SLC35F4: variants seen among roughly 807,000 people sequenced by gnomAD.
SLC35F4 encodes the protein solute carrier family 35 member F4.
In SLC35F4, 24 loss-of-function variants were observed where a neutral mutation model predicts 44.2. That is an observed-to-expected ratio of 0.54 (90% CI 0.39 to 0.76). The LOEUF (loss-of-function observed/expected upper bound fraction) is 0.76, where lower values mean the gene tolerates loss of function less well. Ranked by LOEUF, SLC35F4 falls within the 30% of genes least tolerant of loss-of-function variation. The pLI is 0.00. For synonymous variants in SLC35F4, 238 were observed against 223.6 expected, an observed-to-expected ratio of 1.06 and a Z score of -0.57; for missense variants, 562 against 586.1, an observed-to-expected ratio of 0.96 and a Z score of 0.42.
intron 1 of SLC35F4, among the ~76,000 whole-genome samples, chr14:57,833,143 T>C (rs899495146): frequency 4.6e-5 from 7 of 152,188 alleles, no homozygotes; most frequent in Non-Finnish European, 1.0e-4. Flanking sequence ...TACTGTCACG[T>C]TGTTGTCATT....
At chr14:57,664,874 C>G (rs537131894) in intron 1 of SLC35F4, among the ~76,000 whole-genome samples, 2 of 152,284 alleles carry the variant, frequency 1.3e-5, no homozygotes, top group South Asian at 4.1e-4. Context: ...TACTAAGCCA[C>G]AGTGAAAGAT....
intron 1 of SLC35F4, among the ~76,000 whole-genome samples, chr14:57,900,350 C>G (rs1185026456): frequency 6.6e-6 from 1 of 152,172 alleles, no homozygotes; most frequent in Non-Finnish European, 1.5e-5. Context: ...CACCCCTGAA[C>G]CAATCACTGG....
chr14:57,743,658 T>C (rs1013513550), intron 1 of SLC35F4, among the ~76,000 whole-genome samples: 2 of 152,210 alleles, frequency 1.3e-5, no homozygotes, highest in African/African-American at 4.8e-5. Context: ...AAAGAGGAGC[T>C]GGTACCATTC....
intron 1 of SLC35F4, among the ~76,000 whole-genome samples, chr14:57,799,926 C>T (rs2078150420): frequency 6.6e-6 from 1 of 152,174 alleles, no homozygotes; most frequent in African/African-American, 2.4e-5. Flanking sequence ...CTCAGCTTTT[C>T]CAGCCTGCCA....
intron 1 of SLC35F4, among the ~76,000 whole-genome samples, chr14:57,883,330 G>T (rs1888579870): frequency 6.6e-6 from 1 of 152,184 alleles, no homozygotes. Flanking sequence ...AAACATTACT[G>T]TCACATGACT....
intron 1 of SLC35F4, among the ~76,000 whole-genome samples, chr14:57,642,541 C>T (rs1957706): frequency 6.6e-6 from 1 of 151,508 alleles, no homozygotes; most frequent in African/African-American, 2.4e-5. Flanking sequence ...TTTATATTCA[C>T]ATGAAACAAA....
At chr14:57,701,553 G>A (rs1435500759) in intron 1 of SLC35F4, among the ~76,000 whole-genome samples, 2 of 152,030 alleles carry the variant, frequency 1.3e-5, no homozygotes, top group Non-Finnish European at 2.9e-5. Flanking sequence ...ATTTACACCA[G>A]CATCACCACA....
At chr14:57,800,387 C>T (rs943969967) in intron 1 of SLC35F4, among the ~76,000 whole-genome samples, 1 of 152,176 alleles carries the variant, frequency 6.6e-6, no homozygotes, top group African/African-American at 2.4e-5. Flanking sequence ...CTGAAGGCAG[C>T]TAAGCCCACA....
chr14:57,604,032 A>G (rs1451901946), intron 1 of SLC35F4: 3 of 152,232 alleles, frequency 2.0e-5, no homozygotes, highest in Admixed American at 6.5e-5. Context: ...TAAAAGCCCA[A>G]TGGTAGGCAC....
chr14:57,896,872 T>TG (rs1888883377), intron 1 of SLC35F4, among the ~76,000 whole-genome samples: 1 of 151,212 alleles, frequency 6.6e-6, no homozygotes, highest in Admixed American at 6.6e-5. Context: ...AATCCCAGCA[T>TG]GGGATTTGGG....
chr14:57,836,946 A>G (rs1884992537), intron 1 of SLC35F4, among the ~76,000 whole-genome samples: 2 of 152,240 alleles, frequency 1.3e-5, no homozygotes, highest in South Asian at 2.1e-4. Flanking sequence ...CATCACTGTC[A>G]TATATTAAAA....
At chr14:57,831,932 G>T (rs569365733) in intron 1 of SLC35F4, among the ~76,000 whole-genome samples, 1 of 152,164 alleles carries the variant, frequency 6.6e-6, no homozygotes, top group South Asian at 2.1e-4. Flanking sequence ...GTATATCCGT[G>T]TCTTCACAAG....
At chr14:57,937,591 A>AAAAG (rs1889827946) in intron 1 of SLC35F4, among the ~76,000 whole-genome samples, 2 of 16,896 alleles carry the variant, frequency 1.2e-4, no homozygotes, top group South Asian at 3.5e-3. Flanking sequence ...GAAAAGAAAG[A>AAAAG]AAAGAAAAGA....
rs1015663037 is a variant in SLC35F4, at chr14:57,849,292, G to A, written c.103+16431C>T. 2.0e-5 allele frequency among the ~76,000 whole-genome samples: 3 copies of A among 152,274 alleles called. 1 individual carries two copies. The highest frequency in any genetic ancestry group is 6.8e-3 in the Middle Eastern group (2 of 294). On this transcript the variant is annotated intron_variant, in intron 1 of 7. Coordinates refer to ENST00000556826, the MANE Select transcript of SLC35F4 (RefSeq NM_001306087.2). ...TCCTGCTGCCTCAGCCCCCATAGTA[G>A]CTGGGATTATAGGCATGCGCCACCA...
At chr14:57,719,228 G>T (rs147628154) in intron 1 of SLC35F4, among the ~76,000 whole-genome samples, 1,900 of 152,222 alleles carry the variant, frequency 0.012, 16 homozygotes, top group Non-Finnish European at 0.02. Context: ...ATGCTGTTTT[G>T]GTTACTATAT....
At chr14:57,634,275 G>A (rs2072922324) in intron 1 of SLC35F4, among the ~76,000 whole-genome samples, 1 of 152,122 alleles carries the variant, frequency 6.6e-6, no homozygotes, top group African/African-American at 2.4e-5. Flanking sequence ...GAAGGCAAGG[G>A]AATGGTGCTA....
At chr14:57,942,949 A>C (rs1889940669) in intron 1 of SLC35F4, among the ~76,000 whole-genome samples, 1 of 152,204 alleles carries the variant, frequency 6.6e-6, no homozygotes, top group South Asian at 2.1e-4. Flanking sequence ...GATTGGTTCA[A>C]GGTCACATAC....
At chr14:57,774,673 G>C (rs980704079) in intron 1 of SLC35F4, among the ~76,000 whole-genome samples, 36 of 152,302 alleles carry the variant, frequency 2.4e-4, no homozygotes, top group African/African-American at 8.4e-4. Flanking sequence ...CTGGGGGCCT[G>C]CATCATAGCT....
intron 1 of SLC35F4, among the ~76,000 whole-genome samples, chr14:57,723,129 T>C (rs974770275): frequency 1.2e-4 from 19 of 152,148 alleles, no homozygotes; most frequent in Non-Finnish European, 1.8e-4. Flanking sequence ...CCAGTTAAAG[T>C]AGGGGCTTAT....
Sources: gnomAD v4.1 joint callset for allele counts (sites outside exome capture counted in the v4.1 genomes callset) on GRCh38, gnomAD v4.1.1 for gene constraint, MANE v1.5 for transcripts, NCBI Gene and HGNC (gene_info 2026-07-23, HGNC 2026-07-21) for gene names.